CDH4: variants seen among roughly 807,000 people sequenced by gnomAD.
CDH4 encodes cadherin-4.
Under a neutral mutation model 86.0 loss-of-function variants are expected in CDH4, and 33 were observed. That is an observed-to-expected ratio of 0.38 (90% CI 0.29 to 0.51). The LOEUF (loss-of-function observed/expected upper bound fraction) is 0.51. CDH4 is among the 20% of genes least tolerant of loss of function. CDH4 has a pLI of 0.86. For synonymous variants in CDH4, 555 were observed against 549.4 expected (o/e 1.01, Z -0.14); for missense variants, 1,114 against 1,307.4 (o/e 0.85, Z 2.28).
chr20:61,608,633 G>A (rs1475880998), intron 2 of CDH4, among the ~76,000 whole-genome samples: 2 of 152,234 alleles, frequency 1.3e-5, no homozygotes, highest in African/African-American at 4.8e-5. Context: ...ACCACAGCTC[G>A]CACTGCTCCC....
chr20:61,779,390 G>T (rs1259623958), intron 4 of CDH4, among the ~76,000 whole-genome samples: 1 of 152,202 alleles, frequency 6.6e-6, no homozygotes, highest in Non-Finnish European at 1.5e-5. Flanking sequence ...CAAGGCTCTG[G>T]AGGGAGGTCG....
At chr20:61,636,705 C>T (rs1376588577) in intron 2 of CDH4, among the ~76,000 whole-genome samples, 1 of 152,236 alleles carries the variant, frequency 6.6e-6, no homozygotes, top group Non-Finnish European at 1.5e-5. Context: ...CGCCTGGAGG[C>T]TCCAGAGTTC....
At chr20:61,698,878 G>A (rs1455126271) in intron 2 of CDH4, among the ~76,000 whole-genome samples, 1 of 152,252 alleles carries the variant, frequency 6.6e-6, no homozygotes. Flanking sequence ...GCATGGGGCT[G>A]AGAGTTCGGA....
intron 2 of CDH4, among the ~76,000 whole-genome samples, chr20:61,723,466 C>A (rs1363821827): frequency 6.6e-6 from 1 of 152,204 alleles, no homozygotes; most frequent in Non-Finnish European, 1.5e-5. Flanking sequence ...GGCTTGGCTT[C>A]CCTTTGCTCA....
chr20:61,698,461 C>T (rs2087738805), intron 2 of CDH4, among the ~76,000 whole-genome samples: 2 of 152,266 alleles, frequency 1.3e-5, no homozygotes, highest in African/African-American at 4.8e-5. Flanking sequence ...AGTCAGAAAC[C>T]AAGGCAAGGA....
intron 2 of CDH4, among the ~76,000 whole-genome samples, chr20:61,711,088 A>G (rs2087886712): frequency 6.6e-6 from 1 of 152,230 alleles, no homozygotes. Flanking sequence ...TAATTGGATC[A>G]TAGGGGCAGT....
chr20:61,560,154 C>G (rs572458687), intron 2 of CDH4, among the ~76,000 whole-genome samples: 7 of 152,322 alleles, frequency 4.6e-5, no homozygotes, highest in Non-Finnish European at 8.8e-5. Context: ...GTGGCAGACC[C>G]TGGGAACCAA....
chr20:61,643,011 C>T (rs1474475989), intron 2 of CDH4, among the ~76,000 whole-genome samples: 1 of 152,172 alleles, frequency 6.6e-6, no homozygotes, highest in Non-Finnish European at 1.5e-5. Context: ...TGTGCAAAGT[C>T]CTAGTTGCTA....
In CDH4 at chr20:61,685,316, C is replaced by A. The variant is rs376200812; in HGVS notation, c.170-58247C>A. Among the ~76,000 whole-genome samples, 5 of 152,224 alleles carry A rather than the reference C, an allele frequency of 3.3e-5. No homozygotes were observed. The East Asian group carries it at 7.7e-4, about 23-fold the overall frequency. ...GCTTCAAAGCCGCCTCCACTCAATTCATGTCTCAAAGCAACTTGGTCTCTC... is the reference window on the plus strand; with the variant it reads ...GCTTCAAAGCCGCCTCCACTCAATTAATGTCTCAAAGCAACTTGGTCTCTC... On this transcript the variant is annotated intron_variant, in intron 2 of 15. Transcript: ENST00000614565.
rs1232100645 is a variant in CDH4 at position 61,709,623 on chromosome 20, G to A, written c.170-33940G>A. On this transcript the variant is annotated intron_variant, in intron 2 of 15. Transcript: ENST00000614565. This position sits in a 1 kb window ranked among gnomAD's most constrained non-coding sequence, Gnocchi z 4.8. ...TTTTTTATCGCTGGCTAATCACAGA[G>A]TGAGCAGAGGTGCATGGCAGAGAAG... Among the ~76,000 whole-genome samples, 2 of 151,756 alleles carry A rather than the reference G, an allele frequency of 1.3e-5. No individual in the cohort carries two copies. The highest frequency in any genetic ancestry group is 6.6e-5 in the Admixed American group (1 of 15,224).
chr20:61,768,097 G>A (rs539511045), intron 3 of CDH4, among the ~76,000 whole-genome samples: 12 of 152,310 alleles, frequency 7.9e-5, no homozygotes, highest in African/African-American at 2.9e-4. Flanking sequence ...AGGACTTCTA[G>A]CTTGAGCTAA....
chr20:61,857,406 G>T (rs901124057), intron 6 of CDH4, among the ~76,000 whole-genome samples: 1 of 152,244 alleles, frequency 6.6e-6, no homozygotes, highest in Non-Finnish European at 1.5e-5. Flanking sequence ...AGAAATCAAC[G>T]TTGGTTTATT....
intron 2 of CDH4, among the ~76,000 whole-genome samples, chr20:61,396,223 T>A (rs1241823527): frequency 6.6e-6 from 1 of 152,112 alleles, no homozygotes; most frequent in Non-Finnish European, 1.5e-5. Context: ...ATTCCCAAAC[T>A]CAGGTCGGGG....
chr20:61,665,127 T>C (rs1031085641), intron 2 of CDH4, among the ~76,000 whole-genome samples: 19 of 152,106 alleles, frequency 1.2e-4, no homozygotes, highest in Non-Finnish European at 2.1e-4. Context: ...AGAAGGACAA[T>C]CCAGCCGGAT....
chr20:61,826,331 G>A (rs1207950945), intron 4 of CDH4, among the ~76,000 whole-genome samples: 4 of 152,304 alleles, frequency 2.6e-5, no homozygotes, highest in South Asian at 2.1e-4. Flanking sequence ...CCGGCCCAGC[G>A]CCTCTGCCTT....
chr20:61,429,077 A>C (rs568850523), intron 2 of CDH4, among the ~76,000 whole-genome samples: 1 of 143,922 alleles, frequency 6.9e-6, no homozygotes, highest in African/African-American at 2.4e-5. Flanking sequence ...TGTTACCGTC[A>C]TAAGTTACGA....
At chr20:61,301,691 C>T (rs1308760242) in intron 2 of CDH4, among the ~76,000 whole-genome samples, 1 of 152,190 alleles carries the variant, frequency 6.6e-6, no homozygotes, top group Non-Finnish European at 1.5e-5. Flanking sequence ...ACTATTAAGA[C>T]TTTACACATC....
intron 3 of CDH4, among the ~76,000 whole-genome samples, chr20:61,756,559 A>C: frequency 3.4e-5 from 1 of 29,474 alleles, no homozygotes; most frequent in African/African-American, 1.4e-4. Flanking sequence ...ACCCTCCCTC[A>C]TCCCCGGGTC....
chr20:61,296,702 G>C (rs1426649270), intron 2 of CDH4, among the ~76,000 whole-genome samples: 2 of 152,170 alleles, frequency 1.3e-5, no homozygotes, highest in African/African-American at 4.8e-5. Flanking sequence ...TCCCAGGTTT[G>C]AGAAGCGTGT....
Sources: allele counts gnomAD v4.1 joint callset (sites outside exome capture counted in the v4.1 genomes callset), GRCh38; gene constraint gnomAD v4.1.1; non-coding constraint Gnocchi (gnomAD v3.1); transcripts MANE v1.5; gene names NCBI Gene and HGNC (gene_info 2026-07-23, HGNC 2026-07-21).